KALRN: variants seen among roughly 807,000 people sequenced by gnomAD.
The protein encoded by KALRN is kalirin RhoGEF kinase.
In KALRN, 70 loss-of-function variants were observed where a neutral mutation model predicts 353.7. That is an observed-to-expected ratio of 0.20 (90% CI 0.16 to 0.24). The LOEUF (loss-of-function observed/expected upper bound fraction) is 0.24. Among genes scored for constraint, KALRN ranks in the 10% least tolerant of loss-of-function variants. KALRN has a pLI of 1.00. For synonymous variants in KALRN, 1,391 were observed against 1,434.8 expected (o/e 0.97, Z 0.69); for missense variants, 2,791 against 3,756.7 (o/e 0.74, Z 6.72).
At chr3:124,528,029 G>A (rs2067736174) in intron 33 of KALRN, among the ~76,000 whole-genome samples, 1 of 152,202 alleles carries the variant, frequency 6.6e-6, no homozygotes, top group African/African-American at 2.4e-5. Flanking sequence ...TGCAGATTCT[G>A]AATAGTGTGA....
intron 1 of KALRN, among the ~76,000 whole-genome samples, chr3:124,116,610 GA>G (rs566192687): frequency 6.6e-6 from 1 of 152,264 alleles, no homozygotes; most frequent in African/African-American, 2.4e-5. Context: ...ATCTGAGGGG[GA>G]TACGTTCCAA....
intron 1 of KALRN, among the ~76,000 whole-genome samples, chr3:124,141,142 T>C (rs1040312928): frequency 6.6e-6 from 1 of 152,280 alleles, no homozygotes; most frequent in Non-Finnish European, 1.5e-5. Context: ...CCTGGCCACC[T>C]CCAATGCCAT....
At chr3:124,405,471 G>A (rs368489987) in intron 13 of KALRN, among the ~76,000 whole-genome samples, 5 of 152,224 alleles carry the variant, frequency 3.3e-5, no homozygotes, top group African/African-American at 9.6e-5. Flanking sequence ...AGCAATATAC[G>A]TTATAGGAGC....
chr3:124,206,072 A>G (rs1278232125), intron 1 of KALRN, among the ~76,000 whole-genome samples: 2 of 152,236 alleles, frequency 1.3e-5, no homozygotes, highest in Non-Finnish European at 2.9e-5. Context: ...CCACCCTGAT[A>G]TTAATAAGAG....
At chr3:124,297,286 C>T (rs1289974111) in intron 5 of KALRN, among the ~76,000 whole-genome samples, 1 of 152,256 alleles carries the variant, frequency 6.6e-6, no homozygotes, top group Non-Finnish European at 1.5e-5. Flanking sequence ...TGTTTCTGTT[C>T]TCAGCTGTTT....
intron 10 of KALRN, among the ~76,000 whole-genome samples, chr3:124,374,691 G>A (rs1279845368): frequency 2.0e-5 from 3 of 152,166 alleles, no homozygotes; most frequent in South Asian, 4.1e-4. Context: ...CAAGCCAACT[G>A]TCTTGTCTCT....
At chr3:124,551,070 T>C (rs1186545026) in intron 33 of KALRN, among the ~76,000 whole-genome samples, 1 of 152,086 alleles carries the variant, frequency 6.6e-6, no homozygotes, top group Non-Finnish European at 1.5e-5. Context: ...CAGTACAAAG[T>C]GTTCCCTAGA....
intron 1 of KALRN, among the ~76,000 whole-genome samples, chr3:124,035,935 G>A (rs918979348): frequency 6.6e-6 from 1 of 152,236 alleles, no homozygotes. Flanking sequence ...TGTTGCAAGA[G>A]GGGGTAGGTC....
At chr3:124,393,453 A>G (rs566538896) in intron 11 of KALRN, among the ~76,000 whole-genome samples, 1 of 152,348 alleles carries the variant, frequency 6.6e-6, no homozygotes, top group East Asian at 1.9e-4. Flanking sequence ...TGAAATTAGC[A>G]TATTCACACA....
intron 1 of KALRN, among the ~76,000 whole-genome samples, chr3:124,045,755 G>A (rs79100599): frequency 3.3e-5 from 5 of 151,412 alleles, no homozygotes; most frequent in African/African-American, 1.2e-4. Context: ...CTAATGGGGG[G>A]GGGGGGGTTG....
At chr3:124,666,375 G>C in intron 45 of KALRN, 74 bp from the exon 46 acceptor site, 3 of 1,405,964 alleles carry the variant, frequency 2.1e-6, no homozygotes, top group Non-Finnish European at 3.0e-6. Context: ...AGATGGGGAG[G>C]TTCTGTGGAC....
chr3:124,039,138 C>T (rs2039704457), intron 1 of KALRN, among the ~76,000 whole-genome samples: 1 of 152,242 alleles, frequency 6.6e-6, no homozygotes, highest in South Asian at 2.1e-4. Flanking sequence ...GGTCAAGTGT[C>T]GGCCTCACAG....
chr3:124,713,695 C>A (rs998639171), intron 58 of KALRN, among the ~76,000 whole-genome samples: 1 of 152,142 alleles, frequency 6.6e-6, no homozygotes, highest in South Asian at 2.1e-4. Context: ...CCCACCACTA[C>A]CCCAGGCTAA....
chr3:124,270,522 A>G (rs2074018631), intron 5 of KALRN, among the ~76,000 whole-genome samples: 1 of 152,188 alleles, frequency 6.6e-6, no homozygotes, highest in African/African-American at 2.4e-5. Flanking sequence ...AAATTAGTAT[A>G]TGCAGTTTTT....
intron 33 of KALRN, among the ~76,000 whole-genome samples, chr3:124,530,980 C>G (rs1223479736): frequency 6.6e-6 from 1 of 152,206 alleles, no homozygotes; most frequent in Non-Finnish European, 1.5e-5. Context: ...CTTGTTAACA[C>G]TACATGTTTG....
chr3:124,615,484 T>A (rs1321878984), intron 34 of KALRN, among the ~76,000 whole-genome samples: 1 of 152,204 alleles, frequency 6.6e-6, no homozygotes, highest in Non-Finnish European at 1.5e-5. Flanking sequence ...TACTAAAGTA[T>A]CTGGGAATAA....
chr3:124,090,032 G>A (rs1164843333), intron 1 of KALRN, among the ~76,000 whole-genome samples: 1 of 152,186 alleles, frequency 6.6e-6, no homozygotes, highest in Non-Finnish European at 1.5e-5. Context: ...AGGACCTAGT[G>A]GAGAGGGCAT....
At chr3:124,197,047 A>G (rs896269838) in intron 1 of KALRN, among the ~76,000 whole-genome samples, 2 of 152,208 alleles carry the variant, frequency 1.3e-5, no homozygotes, top group Non-Finnish European at 2.9e-5. Flanking sequence ...CAATTATGCT[A>G]TGCTACCATC....
intron 47 of KALRN, among the ~76,000 whole-genome samples, chr3:124,669,963 C>CTTTTTT (rs61190740): frequency 3.7e-5 from 5 of 136,486 alleles, no homozygotes; most frequent in Non-Finnish European, 6.3e-5. Context: ...CATATATTTT[C>CTTTTTT]TTTTTTTTTT....
Sources: gnomAD v4.1 joint callset for allele counts (sites outside exome capture counted in the v4.1 genomes callset) on GRCh38, gnomAD v4.1.1 for gene constraint, MANE v1.5 for transcripts, NCBI Gene and HGNC (gene_info 2026-07-23, HGNC 2026-07-21) for gene names.